Variants in BMP2K observed in about 807,000 individuals in gnomAD.
BMP2K encodes BMP2 inducible kinase.
BMP2K carries 74 observed loss-of-function variants against 116.0 expected under a neutral mutation model. That is an observed-to-expected ratio of 0.64 (90% CI 0.53 to 0.77). BMP2K has a LOEUF of 0.77. BMP2K is among the 30% of genes least tolerant of loss of function. BMP2K has a pLI of 0.00. For synonymous variants in BMP2K, 486 were observed against 502.5 expected (o/e 0.97, Z 0.44); for missense variants, 1,365 against 1,403.6 (o/e 0.97, Z 0.44).
chr4:78,782,474 A>G (rs1168542963), intron 1 of BMP2K, among the ~76,000 whole-genome samples: 2 of 152,182 alleles, frequency 1.3e-5, no homozygotes, highest in African/African-American at 4.8e-5. Flanking sequence ...TCAGATGATG[A>G]TCTTCAGTAG....
At chr4:78,822,561 A>G (rs182130882) in intron 1 of BMP2K, among the ~76,000 whole-genome samples, 33 of 151,534 alleles carry the variant, frequency 2.2e-4, no homozygotes, top group Non-Finnish European at 7.4e-5. Flanking sequence ...CATCAGATCA[A>G]TATCTGTCAC....
intron 3 of BMP2K, among the ~76,000 whole-genome samples, chr4:78,834,349 C>T (rs1730357615): frequency 6.6e-6 from 1 of 151,558 alleles, no homozygotes; most frequent in Admixed American, 6.6e-5. Context: ...ACCAGCTCGG[C>T]CTCCCGGGTT....
At chr4:78,809,078 ATC>A (rs1342175086) in intron 1 of BMP2K, among the ~76,000 whole-genome samples, 1 of 152,174 alleles carries the variant, frequency 6.6e-6, no homozygotes, top group East Asian at 1.9e-4. Context: ...TTGTATAATT[ATC>A]TGTTTCTCTC....
chr4:78,854,330 A>G lies in BMP2K; in HGVS notation c.883+3274A>G, dbSNP rs899221782. ...ACTCTGTTGTCCAGGTTGGAGAGCA[A>G]TGGTGTGATCTTGGCTCACTACAAC... On this transcript the variant is annotated intron_variant, in intron 7 of 15. Transcript: ENST00000502613. 2.9e-4 allele frequency among the ~76,000 whole-genome samples: 44 copies of G among 151,660 alleles called. 1 individual carries two copies. The highest frequency in any genetic ancestry group is 7.9e-4 in the Admixed American group (12 of 15,218).
intron 10 of BMP2K, among the ~76,000 whole-genome samples, chr4:78,866,988 G>A (rs774572627): frequency 3.3e-5 from 5 of 151,972 alleles, no homozygotes; most frequent in Non-Finnish European, 5.9e-5. Context: ...AAGGCAGGTC[G>A]AATTGCTTGA....
chr4:78,793,105 CT>C (rs770266427), intron 1 of BMP2K, among the ~76,000 whole-genome samples: 6 of 152,248 alleles, frequency 3.9e-5, no homozygotes, highest in Admixed American at 2.6e-4. Flanking sequence ...AAAAATATGG[CT>C]ATTTTTTATT....
chr4:78,833,613 G>T lies in BMP2K; in HGVS notation c.329G>T (p.Gly110Val). ...KELSGHKNIV[G>V]YLDCAVNSIS... ...CTATCTGGTCACAAAAATATTGTGG[G>T]CTATTTGGACTGTGCTGTTAATTCA... The change falls in exon 3 of 16, where the codon GGC becomes GTC. Residue 110 changes from glycine (G) to valine (V), a missense_variant. Physicochemically the swap from Gly to Val is moderately radical, Grantham distance 109. Around this residue, in one of 3 missense-constraint regions of BMP2K, gnomAD observed 762 missense variants for 756.7 expected, o/e 1.01. Transcript: ENST00000502613. 6.3e-7 allele frequency: 1 copy of T among 1,598,482 alleles called. No homozygotes were observed. Among genetic ancestry groups the T allele is most frequent in the South Asian group, 1.1e-5 (1 of 87,028 alleles).
chr4:78,794,654 C>G (rs115487636), intron 1 of BMP2K, among the ~76,000 whole-genome samples: 3,318 of 152,146 alleles, frequency 0.022, 56 homozygotes, highest in Middle Eastern at 0.054. Context: ...CTTTGACCTC[C>G]CGGGCTCAAG....
intron 2 of BMP2K, among the ~76,000 whole-genome samples, chr4:78,827,212 C>T (rs868427207): frequency 5.9e-5 from 9 of 152,142 alleles, no homozygotes; most frequent in African/African-American, 1.9e-4. Context: ...AGTTGGCCCT[C>T]TAACTCCATA....
At chr4:78,835,080 A>G (rs1348875411) in intron 3 of BMP2K, among the ~76,000 whole-genome samples, 1 of 152,230 alleles carries the variant, frequency 6.6e-6, no homozygotes, top group African/African-American at 2.4e-5. Flanking sequence ...ACTTGAATCA[A>G]GCATAATCAT....
intron 1 of BMP2K, among the ~76,000 whole-genome samples, chr4:78,811,776 A>T (rs1038900957): frequency 6.6e-6 from 1 of 152,184 alleles, no homozygotes; most frequent in Admixed American, 6.5e-5. Context: ...TCTCTCGGCC[A>T]ATTTATAAAA....
chr4:78,823,063 A>T (rs1729698826), intron 1 of BMP2K, among the ~76,000 whole-genome samples: 1 of 152,174 alleles, frequency 6.6e-6, no homozygotes. Context: ...CAAAGCAGAT[A>T]CAATTAACGA....
At chr4:78,861,215 A>G (rs996408535) in intron 8 of BMP2K, among the ~76,000 whole-genome samples, 174 bp from the exon 9 acceptor site, 1 of 151,912 alleles carries the variant, frequency 6.6e-6, no homozygotes, top group Non-Finnish European at 1.5e-5. Flanking sequence ...ACATGTAGTG[A>G]TATTTGCAGA....
At chr4:78,841,671 A>T (rs1730766680) in intron 3 of BMP2K, among the ~76,000 whole-genome samples, 1 of 152,070 alleles carries the variant, frequency 6.6e-6, no homozygotes, top group Admixed American at 6.6e-5. Context: ...ATCTCACCTT[A>T]TCGTCTCCTC....
chr4:78,892,585 G>T (rs149288388), intron 15 of BMP2K, among the ~76,000 whole-genome samples: 164 of 152,086 alleles, frequency 1.1e-3, no homozygotes, highest in Admixed American at 3.1e-3. Context: ...CCTATTTCAG[G>T]AATAATTTGC....
chr4:78,787,068 T>A (rs1192233650), intron 1 of BMP2K, among the ~76,000 whole-genome samples: 1 of 152,174 alleles, frequency 6.6e-6, no homozygotes, highest in Non-Finnish European at 1.5e-5. Flanking sequence ...ATTCGTCTTT[T>A]ATCTCTTGCA....
intron 14 of BMP2K, chr4:78,879,560 A>G: frequency 5.8e-6 from 3 of 516,076 alleles, no homozygotes; most frequent in Non-Finnish European, 7.5e-6. Context: ...TGTTTTGAGT[A>G]GGTTGCCAAA....
At position 78,872,563 on chromosome 4, in the gene BMP2K, A is replaced by G. The variant is rs1732417394; in HGVS notation, c.1609-51A>G. On this transcript the variant is annotated intron_variant, in intron 12 of 15. Coordinates refer to ENST00000502613, the MANE Select transcript of BMP2K (RefSeq NM_198892.2). Reference sequence around the variant, plus strand: ...CATAGTAAATAGATGCAGTGCTGACAGTGCTTTAGGACTGGAGCATTGTTT... The same window carrying G: ...CATAGTAAATAGATGCAGTGCTGACGGTGCTTTAGGACTGGAGCATTGTTT... The G allele has an allele frequency of 3.3e-6, 5 of 1,531,356 alleles. No homozygotes were observed. The East Asian group carries it at 1.1e-4, about 35-fold the overall frequency. 94.9% of individuals were successfully genotyped at this position (1,531,356 alleles called of 1,614,324 possible).
chr4:78,912,236 C>T lies in BMP2K; in HGVS notation c.*203C>T, dbSNP rs1322173486. 1 of 519,958 alleles carries T rather than the reference C, an allele frequency of 1.9e-6. No individual in the cohort carries two copies. Among genetic ancestry groups the T allele is most frequent in the Non-Finnish European group, 3.3e-6 (1 of 300,312 alleles). The allele number at this position is 519,958 out of a possible 1,614,324, so 32.2% of individuals were successfully genotyped here. A position where few individuals can be genotyped will look rare whatever the true frequency, so the allele number is the denominator to read the frequency against. ...GATTCCTCTTCAGGAGAAAAGGGAGCTAAATTGCAAGCTCTAACTAAGGGT... is the reference window on the plus strand; with the variant it reads ...GATTCCTCTTCAGGAGAAAAGGGAGTTAAATTGCAAGCTCTAACTAAGGGT... On this transcript the variant is annotated 3_prime_UTR_variant, in exon 16 of 16. Transcript: ENST00000502613.
Sources: allele counts gnomAD v4.1 joint callset (sites outside exome capture counted in the v4.1 genomes callset), GRCh38; gene constraint gnomAD v4.1.1; regional missense constraint gnomAD v4.1.1; transcripts MANE v1.5; gene names NCBI Gene and HGNC (gene_info 2026-07-23, HGNC 2026-07-21).